Variants in ABLIM1 observed in about 807,000 individuals in gnomAD.
ABLIM1 encodes actin-binding LIM protein 1.
ABLIM1 carries 40 observed loss-of-function variants against 107.0 expected under a neutral mutation model. The ratio of observed to expected loss-of-function variants is 0.37; its 90% CI spans 0.29 to 0.49. ABLIM1 has a LOEUF of 0.49. ABLIM1 is among the 20% of genes least tolerant of loss of function. The pLI is 0.97. For synonymous variants in ABLIM1, 357 were observed against 357.3 expected (o/e 1.00, Z 0.01); for missense variants, 857 against 1,008.5 (o/e 0.85, Z 2.04).
chr10:114,504,273 C>T (rs2135719676), intron 6 of ABLIM1, among the ~76,000 whole-genome samples: 1 of 152,312 alleles, frequency 6.6e-6, no homozygotes, highest in Non-Finnish European at 1.5e-5. Flanking sequence ...CCATCCAACA[C>T]TTGGTGGGCG....
At chr10:114,681,878 T>A (rs1488657518) in intron 1 of ABLIM1, among the ~76,000 whole-genome samples, 1 of 152,230 alleles carries the variant, frequency 6.6e-6, no homozygotes, top group East Asian at 1.9e-4. Context: ...TGTCATGCTC[T>A]GATTGACCCA....
upstream of ABLIM1, among the ~76,000 whole-genome samples, chr10:114,685,594 TTG>T (rs763194067): frequency 4.6e-5 from 7 of 152,162 alleles, no homozygotes; most frequent in Non-Finnish European, 8.8e-5. Context: ...TGCCTGGAAC[TTG>T]GTGCCTCTGA....
At chr10:114,627,983 G>A (rs1427112977) in intron 1 of ABLIM1, among the ~76,000 whole-genome samples, 1 of 152,122 alleles carries the variant, frequency 6.6e-6, no homozygotes, top group Non-Finnish European at 1.5e-5. Flanking sequence ...TTAGCCGGGC[G>A]TGGTGGTGCA....
Position 114,603,783 on chromosome 10 carries a change from G to A in ABLIM1, c.245-1822C>T, listed in dbSNP as rs1306886558. 8.6e-5 allele frequency among the ~76,000 whole-genome samples: 13 copies of A among 151,914 alleles called. No individual in the cohort carries two copies. The East Asian group carries it at 1.7e-3, about 20-fold the overall frequency. On this transcript the variant is annotated intron_variant, in intron 1 of 22. Coordinates refer to ENST00000533213, the MANE Select transcript of ABLIM1 (RefSeq NM_002313.7). ...AGCCTGGCCAACACGGTGAAACCCC[G>A]TCTCTACTAAAAATACAAAATTAGC...
At chr10:114,713,187 T>G (rs554337719) in intron 1 of ABLIM1, among the ~76,000 whole-genome samples, 2 of 152,258 alleles carry the variant, frequency 1.3e-5, no homozygotes, top group East Asian at 3.9e-4. Context: ...TATGAGAAAA[T>G]GCCTGGGAAG....
intron 1 of ABLIM1, among the ~76,000 whole-genome samples, chr10:114,673,987 G>T (rs1352671669): frequency 6.6e-6 from 1 of 152,166 alleles, no homozygotes; most frequent in Non-Finnish European, 1.5e-5. Context: ...TAGCAAAATA[G>T]AGTTTAAGAG....
chr10:114,758,233 C>G (rs2082673625), intron 1 of ABLIM1, among the ~76,000 whole-genome samples: 1 of 152,122 alleles, frequency 6.6e-6, no homozygotes, highest in African/African-American at 2.4e-5. Context: ...ACCTAGACCA[C>G]TTAGTAGGTG....
chr10:114,768,383 G>C (rs1045254731), upstream of ABLIM1, among the ~76,000 whole-genome samples: 1 of 150,792 alleles, frequency 6.6e-6, no homozygotes, highest in African/African-American at 2.4e-5. Context: ...GCGCCGGGCG[G>C]GGCTCTGTCC....
rs1302724226 is a variant in ABLIM1, at chr10:114,704,300, CTCTATATATATATATA to C, written c.-213+63745_-213+63760del. On this transcript the variant is annotated intron_variant, in intron 1 of 15. Coordinates refer to the ABLIM1 transcript ENST00000651092. ...TCTCTCTCTCTCTCTCTCTCTCTCT[CTCTATATATATATATA>C]TATATATATATATATATATTGCGCG... is the stretch of plus-strand genomic sequence containing the variant. 1.0e-3 allele frequency among the ~76,000 whole-genome samples: 29 copies of C among 28,900 alleles called. 1 individual carries two copies. The highest frequency in any genetic ancestry group is 3.5e-3 in the African/African-American group (26 of 7,346). The allele number at this position is 28,900 out of a possible 152,430, so 19.0% of individuals were successfully genotyped here. A position where few individuals can be genotyped will look rare whatever the true frequency, so the allele number is the denominator to read the frequency against.
At chr10:114,787,424 C>T in the ABLIM1 span, among the ~76,000 whole-genome samples, 31 of 149,734 alleles carry the variant, frequency 2.1e-4, no homozygotes, top group African/African-American at 7.2e-4. Flanking sequence ...GCCCCCCGCC[C>T]GGCCAGCCGC....
intron 1 of ABLIM1, among the ~76,000 whole-genome samples, chr10:114,649,239 A>G (rs2079136339): frequency 6.6e-6 from 1 of 151,818 alleles, no homozygotes; most frequent in Admixed American, 6.6e-5. Flanking sequence ...TCTCTACTAA[A>G]AATACAAAAA....
At chr10:114,436,734 T>C (rs890565198) in intron 22 of ABLIM1, among the ~76,000 whole-genome samples, 1 of 151,796 alleles carries the variant, frequency 6.6e-6, no homozygotes, top group Non-Finnish European at 1.5e-5. Flanking sequence ...CCAAAGAAAA[T>C]GACCTCCAGC....
At chr10:114,731,200 G>A (rs2082065823) in intron 1 of ABLIM1, among the ~76,000 whole-genome samples, 2 of 152,076 alleles carry the variant, frequency 1.3e-5, no homozygotes, top group African/African-American at 2.4e-5. Context: ...GAGTGCAGTG[G>A]CATGATCTTG....
intron 6 of ABLIM1, among the ~76,000 whole-genome samples, chr10:114,495,353 A>G (rs2059525687): frequency 6.6e-6 from 1 of 152,024 alleles, no homozygotes; most frequent in Admixed American, 6.6e-5. Flanking sequence ...AGCTCTTGGA[A>G]CCTCTATTGT....
intron 2 of ABLIM1, among the ~76,000 whole-genome samples, chr10:114,586,973 C>T (rs1231755409): frequency 6.6e-6 from 1 of 152,170 alleles, no homozygotes; most frequent in Non-Finnish European, 1.5e-5. Context: ...TCTTCAACTG[C>T]CTACCCCCAT....
intron 1 of ABLIM1, chr10:114,632,013 G>A: frequency 7.8e-7 from 1 of 1,290,208 alleles, no homozygotes; most frequent in South Asian, 1.3e-5. Context: ...CGCGGGCGCT[G>A]GGGCAGCCAG....
intron 12 of ABLIM1, chr10:114,462,902 T>C: frequency 1.2e-6 from 1 of 864,084 alleles, no homozygotes; most frequent in Non-Finnish European, 1.7e-6. Flanking sequence ...AGACAACTGT[T>C]GGGTATAGTC....
intron 6 of ABLIM1, among the ~76,000 whole-genome samples, chr10:114,523,966 T>C (rs2497709): frequency 0.038 from 5,862 of 152,276 alleles, 391 homozygotes; most frequent in African/African-American, 0.13. Context: ...GAGCACATGG[T>C]GTGTGTCACA....
At chr10:114,624,072 C>T (rs539700491) in intron 1 of ABLIM1, among the ~76,000 whole-genome samples, 2 of 152,310 alleles carry the variant, frequency 1.3e-5, no homozygotes, top group East Asian at 3.9e-4. Context: ...ACATACCTCT[C>T]GGTATGAGTC....
Sources: allele counts gnomAD v4.1 joint callset (sites outside exome capture counted in the v4.1 genomes callset), GRCh38; gene constraint gnomAD v4.1.1; transcripts MANE v1.5; gene names NCBI Gene and HGNC (gene_info 2026-07-23, HGNC 2026-07-21).